Variants in FMN1 observed in about 807,000 individuals in gnomAD.
FMN1 encodes formin-1.
A neutral mutation model predicts 132.4 loss-of-function variants in FMN1; 110 were observed. That is an observed-to-expected ratio of 0.83 (90% CI 0.71 to 0.97). The LOEUF is 0.97. Among genes scored for constraint, FMN1 ranks in the 50% least tolerant of loss-of-function variants. The pLI is 0.00. For synonymous variants in FMN1, 722 were observed against 651.7 expected (o/e 1.11, Z -1.64); for missense variants, 1,792 against 1,705.3 (o/e 1.05, Z -0.90).
chr15:32,936,499 A>C (rs1390591467), intron 9 of FMN1, among the ~76,000 whole-genome samples: 2 of 151,982 alleles, frequency 1.3e-5, no homozygotes, highest in African/African-American at 4.8e-5. Context: ...TGCTCTCTCT[A>C]GTGTCTGTCT....
chr15:32,959,727 A>C (rs2030286997), intron 9 of FMN1, among the ~76,000 whole-genome samples: 1 of 152,220 alleles, frequency 6.6e-6, no homozygotes, highest in South Asian at 2.1e-4. Context: ...GAACAGGCAA[A>C]CTATTATAAG....
At chr15:32,944,944 C>T (rs1413353325) in intron 9 of FMN1, among the ~76,000 whole-genome samples, 3 of 152,132 alleles carry the variant, frequency 2.0e-5, no homozygotes, top group African/African-American at 2.4e-5. Context: ...TCAGACAGAA[C>T]CAGAGCTACC....
chr15:33,018,186 AGT>A (rs1013953999), intron 6 of FMN1, among the ~76,000 whole-genome samples: 12 of 152,164 alleles, frequency 7.9e-5, no homozygotes, highest in Non-Finnish European at 1.8e-4. Context: ...GCATGAGATT[AGT>A]GTGTGTGATA....
chr15:32,901,881 GCTAT>G (rs767591180), intron 13 of FMN1, 26 bp downstream of exon 13: 2 of 1,582,766 alleles, frequency 1.3e-6, no homozygotes, highest in Admixed American at 3.7e-5. Flanking sequence ...TCAGAGCAAG[GCTAT>G]CTTTTAAATT....
intron 6 of FMN1, among the ~76,000 whole-genome samples, chr15:33,037,199 C>A (rs74866279): frequency 2.0e-5 from 3 of 152,210 alleles, no homozygotes; most frequent in Non-Finnish European, 4.4e-5. Context: ...TTGAGATGAT[C>A]TGCTAGGACC....
At chr15:32,831,749 T>G (rs1274014922) in intron 17 of FMN1, among the ~76,000 whole-genome samples, 1 of 151,994 alleles carries the variant, frequency 6.6e-6, no homozygotes, top group Non-Finnish European at 1.5e-5. Context: ...GCAGCCTTTT[T>G]TTTTTTTTTT....
At chr15:32,848,983 T>C (rs113444188) in intron 17 of FMN1, among the ~76,000 whole-genome samples, 17 of 117,328 alleles carry the variant, frequency 1.4e-4, no homozygotes, top group African/African-American at 8.2e-4. Context: ...TTTTGTTTTT[T>C]TTTTTTTTTT....
chr15:33,068,225 A>T (rs944847495), intron 5 of FMN1: 10 of 225,114 alleles, frequency 4.4e-5, no homozygotes, highest in Admixed American at 3.1e-4. Context: ...TCATAGGGAA[A>T]GTCAGCCTGC....
intron 19 of FMN1, among the ~76,000 whole-genome samples, chr15:32,777,918 T>C (rs1445785925): frequency 2.8e-4 from 1 of 3,634 alleles, no homozygotes; most frequent in African/African-American, 3.6e-4. Context: ...ATATATTATG[T>C]ATAATATATA....
At chr15:33,079,003 T>C (rs2038341152) in intron 5 of FMN1, among the ~76,000 whole-genome samples, 1 of 152,222 alleles carries the variant, frequency 6.6e-6, no homozygotes, top group African/African-American at 2.4e-5. Context: ...AACAATCATG[T>C]GAATTTTAGA....
intron 16 of FMN1, among the ~76,000 whole-genome samples, chr15:32,869,765 G>A (rs936822663): frequency 6.6e-6 from 1 of 152,166 alleles, no homozygotes; most frequent in Non-Finnish European, 1.5e-5. Flanking sequence ...CATGACCTGA[G>A]AAGAAAACAG....
At chr15:32,808,823 T>A (rs1444183856) in intron 17 of FMN1, among the ~76,000 whole-genome samples, 2 of 152,178 alleles carry the variant, frequency 1.3e-5, no homozygotes, top group Non-Finnish European at 2.9e-5. Context: ...GCACACAACA[T>A]GCTTTCTTTA....
At chr15:32,858,171 G>C (rs1473343553) in intron 16 of FMN1, among the ~76,000 whole-genome samples, 6 of 152,140 alleles carry the variant, frequency 3.9e-5, no homozygotes, top group Admixed American at 3.9e-4. Context: ...TTGGGAAGGA[G>C]ATCTTTATTT....
chr15:32,949,264 G>A (rs1340392442), intron 9 of FMN1, among the ~76,000 whole-genome samples: 1 of 152,022 alleles, frequency 6.6e-6, no homozygotes, highest in South Asian at 2.1e-4. Context: ...AACAAAGCTG[G>A]AGGCATCACA....
intron 4 of FMN1, among the ~76,000 whole-genome samples, chr15:33,115,502 C>CACACA (rs1490351147): frequency 2.0e-5 from 3 of 146,612 alleles, no homozygotes; most frequent in African/African-American, 7.7e-5. Context: ...CCCCCCCCCC[C>CACACA]CACACACACA....
chr15:32,891,020 T>C (rs1272699624), intron 15 of FMN1, among the ~76,000 whole-genome samples: 1 of 152,198 alleles, frequency 6.6e-6, no homozygotes, highest in Non-Finnish European at 1.5e-5. Flanking sequence ...TATATTTTTG[T>C]TTGCTTTGTT....
rs551523542 is a variant in FMN1, at chr15:32,766,119, T to C, written c.*8191A>G. The stretch of plus-strand genomic sequence containing the variant: ...TACTGCCTACAATCTTTTCAGATTA[T>C]ATCTACAGACTGGTCTAATACTTAA... On this transcript the variant is annotated 3_prime_UTR_variant, in exon 21 of 21. Coordinates refer to ENST00000616417, the MANE Select transcript of FMN1 (RefSeq NM_001277313.2). 1.3e-5 allele frequency: 2 copies of C among 152,290 alleles called. No homozygotes were observed. The highest frequency in any genetic ancestry group is 6.5e-5 in the Admixed American group (1 of 15,306). 9.4% of individuals were successfully genotyped at this position (152,290 alleles called of 1,614,324 possible).
intron 4 of FMN1, among the ~76,000 whole-genome samples, chr15:33,131,628 G>A (rs527326721): frequency 1.3e-5 from 2 of 152,264 alleles, no homozygotes; most frequent in South Asian, 2.1e-4. Flanking sequence ...CTACCCCACT[G>A]TGAGTTTCAT....
chr15:33,135,694 A>G (rs760945559), intron 4 of FMN1, among the ~76,000 whole-genome samples: 1 of 152,220 alleles, frequency 6.6e-6, no homozygotes, highest in Non-Finnish European at 1.5e-5. Flanking sequence ...TGCTAGTGGA[A>G]TCAGTTAGGT....
Sources: allele counts gnomAD v4.1 joint callset (sites outside exome capture counted in the v4.1 genomes callset), GRCh38; gene constraint gnomAD v4.1.1; transcripts MANE v1.5; gene names NCBI Gene and HGNC (gene_info 2026-07-23, HGNC 2026-07-21).